CIT: variants seen among roughly 807,000 people sequenced by gnomAD.
CIT encodes the protein citron rho-interacting serine/threonine kinase, also known as citron Rho-interacting kinase.
In CIT, 79 loss-of-function variants were observed where a neutral mutation model predicts 272.7. The observed-to-expected ratio is 0.29, with a 90% CI of 0.24 to 0.35. The LOEUF (loss-of-function observed/expected upper bound fraction) is 0.35. Among genes scored for constraint, CIT ranks in the 10% least tolerant of loss-of-function variants. The probability of loss-of-function intolerance (pLI) is 1.00; values close to 1 mark genes in which losing one functional copy is unlikely to be tolerated. For synonymous variants in CIT, 948 were observed against 995.6 expected (o/e 0.95, Z 0.90); for missense variants, 1,909 against 2,618.3 (o/e 0.73, Z 5.91).
At chr12:119,847,451 G>T (rs1969898338) in intron 5 of CIT, among the ~76,000 whole-genome samples, 1 of 151,880 alleles carries the variant, frequency 6.6e-6, no homozygotes, top group Non-Finnish European at 1.5e-5. Context: ...AAAATTAGCT[G>T]GGCACGGTGG....
At position 119,784,887 on chromosome 12, in the gene CIT, G is replaced by T; in HGVS notation, c.1401+73C>A. The T allele has an allele frequency of 6.4e-7, 1 of 1,570,886 alleles. No individual in the cohort carries two copies. Among genetic ancestry groups the T allele is most frequent in the East Asian group, 2.3e-5 (1 of 43,762 alleles). ...GCGGCTCAGAGCCAGCAGCGGCCCCGGGCGGATCCCTTGGCATATACGGAC... is the reference window on the plus strand; with the variant it reads ...GCGGCTCAGAGCCAGCAGCGGCCCCTGGCGGATCCCTTGGCATATACGGAC... On this transcript the variant is annotated intron_variant, in intron 11 of 47. Transcript: ENST00000392521. The surrounding 1 kb of genome is among the most constrained non-coding windows in gnomAD (Gnocchi z 4.7).
intron 5 of CIT, among the ~76,000 whole-genome samples, chr12:119,835,470 G>A (rs1029968842): frequency 2.0e-5 from 3 of 152,008 alleles, no homozygotes; most frequent in African/African-American, 4.8e-5. Flanking sequence ...TTAGACAATC[G>A]CTGTAGCCAT....
At position 119,821,047 on chromosome 12, in the gene CIT, G is replaced by T. The variant is rs547652564; in HGVS notation, c.1111+1773C>A. Among the ~76,000 whole-genome samples, 3 of 152,272 alleles carry T rather than the reference G, an allele frequency of 2.0e-5. No homozygotes were observed. In the South Asian group the frequency reaches 6.2e-4, roughly 32 times the overall value. Reference sequence around the variant, plus strand: ...GTGGTGGCTCACACCTGTAATCCCAGCACTTTGGAAGGCCGAGGCAGGCAG... The same window carrying T: ...GTGGTGGCTCACACCTGTAATCCCATCACTTTGGAAGGCCGAGGCAGGCAG... On this transcript the variant is annotated intron_variant, in intron 9 of 47. Coordinates refer to ENST00000392521, the MANE Select transcript of CIT (RefSeq NM_001206999.2).
rs906568988 is a variant in CIT at position 119,864,275 on chromosome 12, T to C, written c.238+4785A>G. 2.0e-5 allele frequency among the ~76,000 whole-genome samples: 3 copies of C among 152,190 alleles called. No homozygotes were observed. The East Asian group carries it at 5.8e-4, about 29-fold the overall frequency. ...AATAACAGCCCAATTTTGACAATTA[T>C]CAACACTTTTCTGTGTAAGTTTTTT... On this transcript the variant is annotated intron_variant, in intron 3 of 47. Transcript: ENST00000392521.
At chr12:119,786,945 T>C (rs1417381744) in intron 10 of CIT, among the ~76,000 whole-genome samples, 2 of 152,092 alleles carry the variant, frequency 1.3e-5, no homozygotes, top group Non-Finnish European at 2.9e-5. Context: ...AACACAGCAA[T>C]ACCCTGTCTC....
chr12:119,725,383 G>A (rs113044539), intron 28 of CIT, among the ~76,000 whole-genome samples: 1,685 of 151,460 alleles, frequency 0.011, 33 homozygotes, highest in African/African-American at 0.038. Context: ...CCAAGATCAC[G>A]CCACTGCACT....
chr12:119,787,372 A>G (rs1337099742), intron 10 of CIT, among the ~76,000 whole-genome samples: 2 of 151,886 alleles, frequency 1.3e-5, no homozygotes. Flanking sequence ...TCAAGGCTAC[A>G]GTGAGCTACG....
Position 119,843,876 on chromosome 12 carries a change from G to A in CIT, c.516+6298C>T, listed in dbSNP as rs116480414. Among the ~76,000 whole-genome samples, 603 of 152,210 alleles carry A rather than the reference G, an allele frequency of 4.0e-3. 2 individuals carry two copies. The highest frequency in any genetic ancestry group is 0.014 in the African/African-American group (563 of 41,538). ...AAGTTTCCCCAAACTTCAAAGGTTT[G>A]TTGATGTAAAAGTGGCCAATAGATA... On this transcript the variant is annotated intron_variant, in intron 5 of 47. Coordinates refer to ENST00000392521, the MANE Select transcript of CIT (RefSeq NM_001206999.2).
Position 119,688,000 on chromosome 12 carries a change from G to A in CIT, c.*232C>T. ...TTGAAAGAGTAACAAAGTGCAAAGA[G>A]ATGACTGCAGGGAGGTGCCCAGGGC... On this transcript the variant is annotated 3_prime_UTR_variant, in exon 48 of 48. Coordinates refer to ENST00000392521, the MANE Select transcript of CIT (RefSeq NM_001206999.2). 3 of 583,436 alleles carry A rather than the reference G, an allele frequency of 5.1e-6. No homozygotes were observed. Among genetic ancestry groups the A allele is most frequent in the Non-Finnish European group, 3.1e-6 (1 of 326,134 alleles). 36.1% of individuals were successfully genotyped at this position (583,436 alleles called of 1,614,324 possible). A position where few individuals can be genotyped will look rare whatever the true frequency, so the allele number is the denominator to read the frequency against.
At chr12:119,705,680 A>G (rs112491766) in intron 40 of CIT, among the ~76,000 whole-genome samples, 21,020 of 150,004 alleles carry the variant, frequency 0.14, 3,437 homozygotes, top group African/African-American at 0.4. Flanking sequence ...GCTGAGGCAG[A>G]AGAATCACTT....
chr12:119,806,545 C>T (rs1966615968), intron 9 of CIT, among the ~76,000 whole-genome samples: 1 of 152,142 alleles, frequency 6.6e-6, no homozygotes, highest in Non-Finnish European at 1.5e-5. Context: ...GCCCTTGGAG[C>T]ACTGGCAGAT....
At chr12:119,716,253 C>T (rs1957467791) in intron 32 of CIT, among the ~76,000 whole-genome samples, 2 of 151,660 alleles carry the variant, frequency 1.3e-5, no homozygotes, top group South Asian at 2.1e-4. Context: ...TGGCGCATGC[C>T]TATAATCCCA....
chr12:119,775,708 C>A, intron 16 of CIT, 78 bp downstream of exon 16: 1 of 1,110,582 alleles, frequency 9.0e-7, no homozygotes, highest in Admixed American at 1.9e-5. Flanking sequence ...TTTCATCTTT[C>A]GTGCTCTGGG....
Position 119,697,047 on chromosome 12 carries a change from C to T in CIT, c.5882+612G>A, listed in dbSNP as rs552814085. Among the ~76,000 whole-genome samples the T allele has an allele frequency of 5.3e-5, 8 of 152,228 alleles. No homozygotes were observed. The South Asian group carries it at 6.2e-4, about 12-fold the overall frequency. On this transcript the variant is annotated intron_variant, in intron 46 of 47. Transcript: ENST00000392521. This position sits in a 1 kb window ranked among gnomAD's most constrained non-coding sequence, Gnocchi z 4.9. Reference sequence around the variant, plus strand: ...GAGGTCTCGCATTCCAGGGAAGGCACGAGGCTGGCCAGGAGTCCCTGACCT... The same window carrying T: ...GAGGTCTCGCATTCCAGGGAAGGCATGAGGCTGGCCAGGAGTCCCTGACCT...
At chr12:119,775,688 A>G in intron 16 of CIT, 98 bp downstream of exon 16, 1 of 907,486 alleles carries the variant, frequency 1.1e-6, no homozygotes, top group Non-Finnish European at 1.8e-6. Context: ...TGGGTGACTA[A>G]TTCTGTTTCT....
At chr12:119,867,504 T>G (rs1950550095) in intron 3 of CIT, among the ~76,000 whole-genome samples, 1 of 152,198 alleles carries the variant, frequency 6.6e-6, no homozygotes, top group Admixed American at 6.5e-5. Context: ...ACTATTGTTT[T>G]AAGTCAGTAA....
At chr12:119,801,689 C>T (rs757715703) in intron 10 of CIT, among the ~76,000 whole-genome samples, 2 of 152,168 alleles carry the variant, frequency 1.3e-5, no homozygotes, top group Admixed American at 6.5e-5. Flanking sequence ...ATCAGGCCTC[C>T]GCTTCTGCCC....
chr12:119,812,568 T>G (rs951610769), intron 9 of CIT, among the ~76,000 whole-genome samples: 1 of 151,856 alleles, frequency 6.6e-6, no homozygotes, highest in Non-Finnish European at 1.5e-5. Context: ...GCCTCCCAAG[T>G]AGCTGGGATT....
chr12:119,701,979 AG>A, intron 41 of CIT, 21 bp from the exon 42 acceptor site: 7 of 1,586,330 alleles, frequency 4.4e-6, no homozygotes, highest in Non-Finnish European at 6.1e-6. Flanking sequence ...AGAGCAGAAG[AG>A]AAGGATGTGA....
Sources: allele counts gnomAD v4.1 joint callset (sites outside exome capture counted in the v4.1 genomes callset), GRCh38; gene constraint gnomAD v4.1.1; non-coding constraint Gnocchi (gnomAD v3.1); transcripts MANE v1.5; gene names NCBI Gene and HGNC (gene_info 2026-07-23, HGNC 2026-07-21).